The following SSBP3 variants were observed in gnomAD, a reference collection of about 807,000 sequenced individuals.
The protein encoded by SSBP3 is single-stranded DNA-binding protein 3.
In SSBP3, 5 loss-of-function variants were observed where a neutral mutation model predicts 69.6. That is an observed-to-expected ratio of 0.07 (90% CI 0.04 to 0.15). The LOEUF (loss-of-function observed/expected upper bound fraction) is 0.15. SSBP3 is among the 10% of genes least tolerant of loss of function. The pLI, the probability that SSBP3 is intolerant of heterozygous loss-of-function variation, is 1.00. For synonymous variants in SSBP3, 196 were observed against 193.4 expected, an observed-to-expected ratio of 1.01 and a Z score of -0.11; for missense variants, 312 against 534.0, an observed-to-expected ratio of 0.58 and a Z score of 4.10.
intron 6 of SSBP3, 184 bp from the exon 7 acceptor site, chr1:54,257,370 C>T (rs758444659): frequency 1.1e-4 from 58 of 543,252 alleles, no homozygotes; most frequent in Admixed American, 7.5e-4. Flanking sequence ...TAGATCCACA[C>T]AACAAATGTG....
chr1:54,241,550 G>C, intron 11 of SSBP3, 41 bp from the exon 12 acceptor site: 1 of 1,609,382 alleles, frequency 6.2e-7, no homozygotes. Context: ...CAGAGTCACT[G>C]AGTGCCCTCA....
chr1:54,333,032 G>C (rs1243618457), intron 4 of SSBP3, among the ~76,000 whole-genome samples: 1 of 152,278 alleles, frequency 6.6e-6, no homozygotes, highest in East Asian at 1.9e-4. Flanking sequence ...TCCTAATAGG[G>C]CCAGGCTGGA....
chr1:54,383,013 GAGAA>G (rs1198361271), intron 4 of SSBP3, among the ~76,000 whole-genome samples: 56 of 143,864 alleles, frequency 3.9e-4, no homozygotes, highest in East Asian at 3.6e-3. Flanking sequence ...AAGAGAGAGA[GAGAA>G]AGAAAGAAAG....
In SSBP3 at chr1:54,269,405, A is replaced by G. The variant is rs551159520; in HGVS notation, c.367-11256T>C. Among the ~76,000 whole-genome samples, 9 of 152,118 alleles carry G rather than the reference A, an allele frequency of 5.9e-5. No homozygotes were observed. In the South Asian group the frequency reaches 1.9e-3, roughly 32 times the overall value. On this transcript the variant is annotated intron_variant, in intron 5 of 17. Coordinates refer to ENST00000610401, the Ensembl canonical transcript of SSBP3. Reference sequence around the variant, plus strand: ...GACTCTTATATCCACGCTCTCTAACACTGCTGCATTTACAGGTGGGGACAC... The same window carrying G: ...GACTCTTATATCCACGCTCTCTAACGCTGCTGCATTTACAGGTGGGGACAC...
Position 54,251,819 on chromosome 1 carries a change from A to G in SSBP3, c.549T>C (p.Asn183=), listed in dbSNP as rs764489847. ...CTTGTTGTCGTGTGGGATCCATAGA[A>G]TTGGGCAGCAATGGCTGTGTCCCAG... Residue 183 remains asparagine (N), a synonymous_variant, in exon 8 of 18, where the codon AAT becomes AAC. Transcript: ENST00000610401. The G allele has an allele frequency of 1.2e-5, 19 of 1,611,712 alleles. No individual in the cohort carries two copies. In the African/African-American group the frequency reaches 2.3e-4, roughly 19 times the overall value.
At position 54,243,314 on chromosome 1, in the gene SSBP3, A is replaced by C. The variant is rs1644674783; in HGVS notation, c.652-15T>G. On this transcript the variant is annotated splice_polypyrimidine_tract_variant and intron_variant, in intron 9 of 17. Coordinates refer to ENST00000610401, the Ensembl canonical transcript of SSBP3. ...CTGCCGTAATTCTGCAACGATAACC[A>C]AGGGTCAGTCTATGAGAAGAAGGGA... 6.2e-7 allele frequency: 1 copy of C among 1,613,938 alleles called. No homozygotes were observed. Among genetic ancestry groups the C allele is most frequent in the African/African-American group, 1.3e-5 (1 of 74,910 alleles).
chr1:54,305,607 G>C (rs11206327), intron 4 of SSBP3, among the ~76,000 whole-genome samples: 2 of 140,898 alleles, frequency 1.4e-5, no homozygotes, highest in Non-Finnish European at 3.0e-5. Flanking sequence ...CCATCATTTA[G>C]TTATTTTTCT....
intron 4 of SSBP3, among the ~76,000 whole-genome samples, chr1:54,349,727 A>AG (rs1646751387): frequency 6.6e-6 from 1 of 152,052 alleles, no homozygotes; most frequent in African/African-American, 2.4e-5. Flanking sequence ...CAAAAAAAAA[A>AG]AAAATCAAAA....
intron 4 of SSBP3, among the ~76,000 whole-genome samples, chr1:54,381,768 G>C: frequency 6.6e-6 from 1 of 152,286 alleles, no homozygotes; most frequent in African/African-American, 2.4e-5. Flanking sequence ...GGCCAGCGCA[G>C]TGAGACAGGG....
At chr1:54,409,762 T>C (rs1207520707), upstream of SSBP3, among the ~76,000 whole-genome samples, 1 of 152,200 alleles carries the variant, frequency 6.6e-6, no homozygotes, top group Non-Finnish European at 1.5e-5. Context: ...TTCCTTTTTT[T>C]CTTTTCCTTC....
intron 4 of SSBP3, among the ~76,000 whole-genome samples, chr1:54,289,038 A>AAAC (rs1557499429): frequency 5.2e-5 from 3 of 58,028 alleles, no homozygotes; most frequent in East Asian, 4.5e-4. Flanking sequence ...AAAAAAAAAC[A>AAAC]AAAAAACAAA....
chr1:54,291,226 C>T (rs1645600609), intron 4 of SSBP3, among the ~76,000 whole-genome samples: 1 of 152,088 alleles, frequency 6.6e-6, no homozygotes, highest in Admixed American at 6.5e-5. Flanking sequence ...GGATGGGAGC[C>T]CACACTCTCC....
chr1:54,263,180 CCA>C (rs1437270291), intron 5 of SSBP3, among the ~76,000 whole-genome samples: 1 of 152,176 alleles, frequency 6.6e-6, no homozygotes, highest in East Asian at 1.9e-4. Context: ...AAGCCTTTAC[CCA>C]CACTGACAGC....
intron 14 of SSBP3, among the ~76,000 whole-genome samples, chr1:54,229,751 A>G (rs1160835885): frequency 2.6e-5 from 4 of 152,056 alleles, no homozygotes; most frequent in Non-Finnish European, 5.9e-5. Flanking sequence ...ATCGAGTGGG[A>G]AGGGAGTGGA....
chr1:54,230,675 GTCC>G (rs1644365513), intron 14 of SSBP3, among the ~76,000 whole-genome samples: 1 of 152,168 alleles, frequency 6.6e-6, no homozygotes, highest in African/African-American at 2.4e-5. Flanking sequence ...AGTCATTTCT[GTCC>G]TCCTCCAACG....
At chr1:54,407,660 G>C (rs960554731), upstream of SSBP3, among the ~76,000 whole-genome samples, 1 of 150,848 alleles carries the variant, frequency 6.6e-6, no homozygotes, top group Non-Finnish European at 1.5e-5. Context: ...CTCTTTAAAA[G>C]AGTCAAGCAG....
intron 4 of SSBP3, among the ~76,000 whole-genome samples, chr1:54,309,629 A>G (rs1257763346): frequency 6.6e-6 from 1 of 152,204 alleles, no homozygotes; most frequent in African/African-American, 2.4e-5. Flanking sequence ...TCCTGACACC[A>G]CTTGGTAACT....
intron 5 of SSBP3, among the ~76,000 whole-genome samples, chr1:54,262,248 T>C (rs1271530804): frequency 6.6e-6 from 1 of 152,086 alleles, no homozygotes; most frequent in Admixed American, 6.5e-5. Flanking sequence ...ATTGCCCCAT[T>C]TTATTGCCAA....
chr1:54,242,152 C>A lies in SSBP3; in HGVS notation c.765+12G>T. On this transcript the variant is annotated intron_variant, in intron 11 of 17. Transcript: ENST00000610401. ...CCTGACAAACACCACCCCACCCGACCCAGGTACTCACTGAGTTAGCACTGT... is the reference window on the plus strand; with the variant it reads ...CCTGACAAACACCACCCCACCCGACACAGGTACTCACTGAGTTAGCACTGT... 1 of 1,612,800 alleles carries A rather than the reference C, an allele frequency of 6.2e-7. No homozygotes were observed. The highest frequency in any genetic ancestry group is 8.5e-7 in the Non-Finnish European group (1 of 1,179,832).
Sources: gnomAD v4.1 joint callset for allele counts (sites outside exome capture counted in the v4.1 genomes callset) on GRCh38, gnomAD v4.1.1 for gene constraint, MANE v1.5 for transcripts, NCBI Gene and HGNC (gene_info 2026-07-23, HGNC 2026-07-21) for gene names.